Variants in SLC9A9 observed in about 807,000 individuals in gnomAD.
SLC9A9 encodes the protein solute carrier family 9 member A9, also known as sodium/hydrogen exchanger 9.
A neutral mutation model predicts 77.8 loss-of-function variants in SLC9A9; 62 were observed. The ratio of observed to expected loss-of-function variants is 0.80; its 90% CI spans 0.65 to 0.98. The LOEUF (loss-of-function observed/expected upper bound fraction) is 0.98, where lower values mean the gene tolerates loss of function less well. Ranked by LOEUF, SLC9A9 falls within the 50% of genes least tolerant of loss-of-function variation. The pLI is 0.00. For synonymous variants in SLC9A9, 320 were observed against 283.5 expected, an observed-to-expected ratio of 1.13 and a Z score of -1.29; for missense variants, 775 against 774.9, an observed-to-expected ratio of 1.00 and a Z score of 0.00.
At chr3:143,788,503 C>A (rs1333310588) in intron 4 of SLC9A9, among the ~76,000 whole-genome samples, 1 of 151,936 alleles carries the variant, frequency 6.6e-6, no homozygotes, top group Non-Finnish European at 1.5e-5. Context: ...CCAGCCTGGC[C>A]AACATGGTTA....
chr3:143,693,386 A>G, intron 4 of SLC9A9, 79 bp from the exon 5 acceptor site: 1 of 1,168,272 alleles, frequency 8.6e-7, no homozygotes, highest in Non-Finnish European at 1.3e-6. Context: ...CCACATGCTA[A>G]TGTTTTTCCT....
At chr3:143,778,922 G>A (rs562095809) in intron 4 of SLC9A9, among the ~76,000 whole-genome samples, 2 of 152,322 alleles carry the variant, frequency 1.3e-5, no homozygotes, top group African/African-American at 4.8e-5. Flanking sequence ...TTTCTCTAGA[G>A]ATTACCCACA....
chr3:143,734,732 C>CAAAAAA (rs532314682), intron 4 of SLC9A9, among the ~76,000 whole-genome samples: 2 of 66,160 alleles, frequency 3.0e-5, no homozygotes, highest in South Asian at 5.7e-4. Context: ...GACTCCATCT[C>CAAAAAA]AAAAAAAAAA....
At chr3:143,271,202 G>C (rs532317322) in intron 14 of SLC9A9, among the ~76,000 whole-genome samples, 3 of 152,258 alleles carry the variant, frequency 2.0e-5, no homozygotes, top group East Asian at 1.9e-4. Flanking sequence ...AGCAGATAAG[G>C]GGGTACAACT....
At chr3:143,419,155 A>C (rs1459638134) in intron 12 of SLC9A9, among the ~76,000 whole-genome samples, 1 of 152,166 alleles carries the variant, frequency 6.6e-6, no homozygotes, top group East Asian at 1.9e-4. Flanking sequence ...TTACCCTATT[A>C]GGGTCTTAAT....
intron 13 of SLC9A9, among the ~76,000 whole-genome samples, chr3:143,370,640 T>C (rs537967355): frequency 6.6e-6 from 1 of 150,580 alleles, no homozygotes; most frequent in African/African-American, 2.4e-5. Context: ...AAGATCCTGG[T>C]TCATGCTAAT....
intron 5 of SLC9A9, among the ~76,000 whole-genome samples, chr3:143,670,454 ATAT>A (rs2039139540): frequency 2.0e-5 from 3 of 152,192 alleles, no homozygotes; most frequent in Admixed American, 2.0e-4. Context: ...TTTCAAATGC[ATAT>A]GCCCTTGTTT....
Position 143,734,224 on chromosome 3 carries a change from A to G in SLC9A9, c.534-40917T>C, listed in dbSNP as rs528651901. On this transcript the variant is annotated intron_variant, in intron 4 of 15. Transcript: ENST00000316549. ...AGAAAATAATAATAAAAGAAAAAAA[A>G]AAAGAAAACCTTGAATTGAAACTAA... is the stretch of plus-strand genomic sequence containing the variant. Among the ~76,000 whole-genome samples, 49 of 152,198 alleles carry G rather than the reference A, an allele frequency of 3.2e-4. 1 individual carries two copies. The South Asian group carries it at 7.5e-3, about 23-fold the overall frequency.
chr3:143,667,874 C>T (rs578200257), intron 5 of SLC9A9, among the ~76,000 whole-genome samples: 22 of 152,318 alleles, frequency 1.4e-4, no homozygotes, highest in Admixed American at 1.2e-3. Context: ...AACACTCTTA[C>T]ACTGTTGGTG....
chr3:143,831,918 T>C (rs1295532542), intron 2 of SLC9A9, 101 bp downstream of exon 2: 1 of 1,036,386 alleles, frequency 9.6e-7, no homozygotes, highest in East Asian at 2.6e-5. Context: ...AATAGGCATA[T>C]ATGTGTGTGT....
chr3:143,372,644 T>C (rs926565142), intron 13 of SLC9A9, among the ~76,000 whole-genome samples: 2 of 152,042 alleles, frequency 1.3e-5, no homozygotes, highest in Non-Finnish European at 2.9e-5. Flanking sequence ...TAAACTTACG[T>C]GTAGCAAAAT....
intron 4 of SLC9A9, among the ~76,000 whole-genome samples, chr3:143,748,393 T>C (rs1015361675): frequency 2.0e-5 from 3 of 152,152 alleles, no homozygotes; most frequent in African/African-American, 4.8e-5. Context: ...CTCATTAAGA[T>C]GCTTCAAGCC....
rs1421072824 is a variant in SLC9A9, at chr3:143,363,537, C to T, written c.1551G>A (p.Met517Ile). Residue 517 changes from methionine to isoleucine, a missense_variant, in exon 14 of 16, where the codon ATG (methionine) becomes ATA (isoleucine). Transcript: ENST00000316549. ...HQEANNLDKNMTKAESARLFR... is the reference protein window; with the variant it reads ...HQEANNLDKNITKAESARLFR... ...AGAGCCGAGCACTCTCTGCTTTCGT[C>T]ATGTTTTTATCCAAGTTATTTGCTT... 2 of 1,612,764 alleles carry T rather than the reference C, an allele frequency of 1.2e-6. No individual in the cohort carries two copies. Among genetic ancestry groups the T allele is most frequent in the African/African-American group, 2.7e-5 (2 of 74,840 alleles).
intron 1 of SLC9A9, among the ~76,000 whole-genome samples, chr3:143,841,795 C>A (rs1194827173): frequency 3.1e-5 from 1 of 32,166 alleles, no homozygotes; most frequent in Non-Finnish European, 7.8e-5. Context: ...TTCCCGTCAC[C>A]TAGGTTGGAG....
chr3:143,560,272 C>T (rs2037058425), intron 8 of SLC9A9, among the ~76,000 whole-genome samples: 2 of 152,210 alleles, frequency 1.3e-5, no homozygotes, highest in African/African-American at 2.4e-5. Context: ...GAGCAAGTCT[C>T]TCCCTAACGG....
intron 9 of SLC9A9, among the ~76,000 whole-genome samples, chr3:143,546,937 T>C (rs372826722): frequency 1.3e-5 from 2 of 152,252 alleles, no homozygotes; most frequent in East Asian, 3.8e-4. Context: ...CCTCTTATTC[T>C]ACCTTGAACC....
At chr3:143,781,318 A>T (rs77716831) in intron 4 of SLC9A9, among the ~76,000 whole-genome samples, 2,559 of 152,310 alleles carry the variant, frequency 0.017, 71 homozygotes, top group African/African-American at 0.059. Flanking sequence ...AAAAGTTGGG[A>T]ATTGTTTCAA....
intron 6 of SLC9A9, among the ~76,000 whole-genome samples, chr3:143,622,070 G>A (rs2038224785): frequency 6.6e-6 from 1 of 152,126 alleles, no homozygotes. Flanking sequence ...AGAGAAAAAA[G>A]AATAAAAAGA....
intron 14 of SLC9A9, among the ~76,000 whole-genome samples, chr3:143,318,001 A>G (rs1468522916): frequency 1.3e-5 from 2 of 152,188 alleles, no homozygotes; most frequent in Non-Finnish European, 2.9e-5. Context: ...TGCTGGGATT[A>G]CAGGCCTGAG....
Sources: gnomAD v4.1 joint callset for allele counts (sites outside exome capture counted in the v4.1 genomes callset) on GRCh38, gnomAD v4.1.1 for gene constraint, MANE v1.5 for transcripts, NCBI Gene and HGNC (gene_info 2026-07-23, HGNC 2026-07-21) for gene names.